Variants in VXN observed in about 807,000 individuals in gnomAD.
The protein encoded by VXN is vexin.
Under a neutral mutation model 23.1 loss-of-function variants are expected in VXN, and 7 were observed. That is an observed-to-expected ratio of 0.30 (90% CI 0.17 to 0.57). The LOEUF is 0.57. Among genes scored for constraint, VXN ranks in the 20% least tolerant of loss-of-function variants. The probability of loss-of-function intolerance (pLI) is 0.91; values close to 1 mark genes in which losing one functional copy is unlikely to be tolerated. For missense variants in VXN, 238 were observed against 272.6 expected, an observed-to-expected ratio of 0.87 and a Z score of 0.89; for synonymous variants, 120 against 105.8, an observed-to-expected ratio of 1.13 and a Z score of -0.83.
chr8:66,498,992 G>GCTAT (rs1807658104), intron 2 of VXN: 1 of 207,466 alleles, frequency 4.8e-6, no homozygotes, highest in Non-Finnish European at 1.0e-5. Flanking sequence ...GTGACCTTGA[G>GCTAT]CAAGTTGCTT....
At chr8:66,494,403 C>G (rs1276415772) in intron 1 of VXN, 1 of 153,272 alleles carries the variant, frequency 6.5e-6, no homozygotes, top group Admixed American at 6.5e-5. Context: ...CTAAGCATGG[C>G]CCCCTCTCCT....
chr8:66,505,326 C>G, intron 2 of VXN, 49 bp from the exon 3 acceptor site: 1 of 1,558,710 alleles, frequency 6.4e-7, no homozygotes, highest in Non-Finnish European at 8.7e-7. Context: ...CCATGGGTCC[C>G]TAGGCCCGAG....
intron 1 of VXN, among the ~76,000 whole-genome samples, chr8:66,496,004 C>T (rs1324391102): frequency 6.6e-6 from 1 of 152,082 alleles, no homozygotes; most frequent in Non-Finnish European, 1.5e-5. Context: ...GTTTTTCTGT[C>T]TCTATGAATT....
chr8:66,518,472 A>G lies in VXN; in HGVS notation c.*2396A>G, dbSNP rs1807920907. 6.6e-6 allele frequency: 1 copy of G among 152,214 alleles called. No homozygotes were observed. Among genetic ancestry groups the G allele is most frequent in the South Asian group, 2.1e-4 (1 of 4,834 alleles). 9.4% of individuals were successfully genotyped at this position (152,214 alleles called of 1,614,324 possible). ...TTGTATGGAACATTTTACTTGGCCA[A>G]TTCAAATAAAAATAAAGTCAGCTTT... is the stretch of plus-strand genomic sequence containing the variant. On this transcript the variant is annotated 3_prime_UTR_variant, in exon 6 of 6. Transcript: ENST00000305454.
At chr8:66,515,539 A>G (rs956279307) in intron 5 of VXN, among the ~76,000 whole-genome samples, 12 of 152,214 alleles carry the variant, frequency 7.9e-5, no homozygotes, top group African/African-American at 2.9e-4. Flanking sequence ...TGCTCTTTCA[A>G]TAGCTACTGT....
Position 66,516,083 on chromosome 8 carries a change from C to T in VXN, c.*7C>T, listed in dbSNP as rs746606235. On this transcript the variant is annotated 3_prime_UTR_variant, in exon 6 of 6. Transcript: ENST00000305454. ...CGCCTTTGAGGCCGACTAAAGGTGA[C>T]CCTCTTCAAGTGCCCTGTGTTGGCC... The T allele has an allele frequency of 1.3e-6, 2 of 1,598,964 alleles. No homozygotes were observed. Among genetic ancestry groups the T allele is most frequent in the Non-Finnish European group, 1.7e-6 (2 of 1,175,204 alleles).
intron 2 of VXN, among the ~76,000 whole-genome samples, chr8:66,503,892 T>C (rs1012711508): frequency 1.2e-4 from 18 of 152,178 alleles, no homozygotes; most frequent in Admixed American, 6.5e-5. Context: ...AGAGCCTCCA[T>C]TATTGTGGAA....
Position 66,517,530 on chromosome 8 carries a change from A to G in VXN, c.*1454A>G, listed in dbSNP as rs1807911207. On this transcript the variant is annotated 3_prime_UTR_variant, in exon 6 of 6. Coordinates refer to ENST00000305454, the MANE Select transcript of VXN (RefSeq NM_152765.4). The stretch of plus-strand genomic sequence containing the variant: ...TTAATAAATGATTTTCATCCCAAAC[A>G]CTAAACATGATTGATGGGTAGAGGC... 2 of 152,348 alleles carry G rather than the reference A, an allele frequency of 1.3e-5. No individual in the cohort carries two copies. The highest frequency in any genetic ancestry group is 4.2e-4 in the South Asian group (2 of 4,818). The allele number at this position is 152,348 out of a possible 1,614,324, so 9.4% of individuals were successfully genotyped here.
intron 3 of VXN, among the ~76,000 whole-genome samples, chr8:66,506,800 T>C (rs1807764430): frequency 6.6e-6 from 1 of 152,046 alleles, no homozygotes; most frequent in African/African-American, 2.4e-5. Flanking sequence ...CTATATTCTC[T>C]ATTAAGTGGT....
intron 5 of VXN, 56 bp downstream of exon 5, chr8:66,513,693 C>A: frequency 6.8e-7 from 1 of 1,478,634 alleles, no homozygotes; most frequent in Non-Finnish European, 9.4e-7. Flanking sequence ...CCTGATCCTT[C>A]CTTCCCCAGA....
intron 2 of VXN, among the ~76,000 whole-genome samples, chr8:66,502,969 C>T (rs1201290462): frequency 6.6e-6 from 1 of 151,860 alleles, no homozygotes; most frequent in East Asian, 2.0e-4. Flanking sequence ...ATTTCAGCCT[C>T]CCAAGTAGGT....
intron 1 of VXN, among the ~76,000 whole-genome samples, chr8:66,495,594 A>G (rs573141875): frequency 1.2e-4 from 19 of 152,360 alleles, no homozygotes; most frequent in African/African-American, 4.6e-4. Context: ...AGTCAAAGAT[A>G]AATATTTAAT....
intron 5 of VXN, 179 bp downstream of exon 5, chr8:66,513,816 C>A: frequency 1.8e-6 from 1 of 560,452 alleles, no homozygotes; most frequent in Non-Finnish European, 3.1e-6. Context: ...AGCGCCTCAT[C>A]AACTGTTTCC....
At chr8:66,503,071 C>G (rs1196515029) in intron 2 of VXN, among the ~76,000 whole-genome samples, 1 of 152,092 alleles carries the variant, frequency 6.6e-6, no homozygotes, top group Non-Finnish European at 1.5e-5. Context: ...TGGTCTTGAA[C>G]TCCTGGGTTC....
At position 66,505,123 on chromosome 8, in the gene VXN, C is replaced by T. The variant is rs987045584; in HGVS notation, c.127-252C>T. The stretch of plus-strand genomic sequence containing the variant: ...GTGAAGGGCCTGCTGTTGAGGAACA[C>T]CCCTGCCCGCTCCAGAACCCTCATT... On this transcript the variant is annotated intron_variant, in intron 2 of 5. Transcript: ENST00000305454. 3 of 621,738 alleles carry T rather than the reference C, an allele frequency of 4.8e-6. No homozygotes were observed. The Admixed American group carries it at 6.4e-5, about 13-fold the overall frequency. The allele number at this position is 621,738 out of a possible 1,614,324, so 38.5% of individuals were successfully genotyped here. A position where few individuals can be genotyped will look rare whatever the true frequency, so the allele number is the denominator to read the frequency against.
chr8:66,510,247 T>G, intron 4 of VXN, 90 bp downstream of exon 4: 1 of 1,078,016 alleles, frequency 9.3e-7, no homozygotes, highest in Non-Finnish European at 1.4e-6. Flanking sequence ...AGAGACTCAG[T>G]GTTCTTTGTT....
chr8:66,496,302 C>A (rs2130540338), intron 1 of VXN, 135 bp from the exon 2 acceptor site: 4 of 750,154 alleles, frequency 5.3e-6, no homozygotes, highest in Non-Finnish European at 9.2e-6. Context: ...ATCGCAACGA[C>A]CCTGTCTCTT....
rs1807850753 is a variant in VXN at position 66,513,626 on chromosome 8, T to C, written c.429T>C (p.Val143=). The C allele has an allele frequency of 1.2e-6, 2 of 1,614,074 alleles. No individual in the cohort carries two copies. The highest frequency in any genetic ancestry group is 1.7e-6 in the Non-Finnish European group (2 of 1,179,952). ...ATAMGTEKGA[V]LMRGSRHLKK... is the part of the protein sequence containing the mutation. ...CCATGGGCACAGAGAAGGGAGCTGT[T>C]CTGATGAGAGGGTAAGTGCTGCGTC... The change falls in exon 5 of 6, where the codon GTT becomes GTC. Residue 143 remains valine, a synonymous_variant. Transcript: ENST00000305454.
In VXN at chr8:66,517,392, G is replaced by GA. The variant is rs1176333805; in HGVS notation, c.*1317dup. On this transcript the variant is annotated 3_prime_UTR_variant, in exon 6 of 6. Coordinates refer to ENST00000305454, the MANE Select transcript of VXN (RefSeq NM_152765.4). Reference sequence around the variant, plus strand: ...TCCACTTAATAGATGCCAATTCAAAGAGGTTAAATGATTAGACTAAGGCAC... The same window carrying GA: ...TCCACTTAATAGATGCCAATTCAAAGAAGGTTAAATGATTAGACTAAGGCAC... The GA allele has an allele frequency of 6.6e-6, 1 of 152,172 alleles. No individual in the cohort carries two copies. The highest frequency in any genetic ancestry group is 2.4e-5 in the African/African-American group (1 of 41,440). 9.4% of individuals were successfully genotyped at this position (152,172 alleles called of 1,614,324 possible).
Sources: allele counts gnomAD v4.1 joint callset (sites outside exome capture counted in the v4.1 genomes callset), GRCh38; gene constraint gnomAD v4.1.1; transcripts MANE v1.5; gene names NCBI Gene and HGNC (gene_info 2026-07-23, HGNC 2026-07-21).